Variants in RNF130 observed in about 807,000 individuals in gnomAD.
The protein encoded by RNF130 is ring finger protein 130.
RNF130 carries 21 observed loss-of-function variants against 44.6 expected under a neutral mutation model. That is an observed-to-expected ratio of 0.47 (90% CI 0.33 to 0.68). The LOEUF (loss-of-function observed/expected upper bound fraction) is 0.68. Among genes scored for constraint, RNF130 ranks in the 30% least tolerant of loss-of-function variants. The pLI, the probability that RNF130 is intolerant of heterozygous loss-of-function variation, is 0.02. For synonymous variants in RNF130, 214 were observed against 210.4 expected, an observed-to-expected ratio of 1.02 and a Z score of -0.15; for missense variants, 479 against 560.6, an observed-to-expected ratio of 0.85 and a Z score of 1.47.
Position 180,012,956 on chromosome 5 carries a change from CAACATTTTTTAAAAGAAAA to C in RNF130, c.693+86_693+104del, listed in dbSNP as rs1049491952. On this transcript the variant is annotated intron_variant, in intron 3 of 8. Transcript: ENST00000521389. ...TATTAAAATGACTGAGTGAGGGTAACAACATTTTTTAAAAGAAAAAACATGTTAGTAAGATGCATGGTCA... is the reference window on the plus strand; with the variant it reads ...TATTAAAATGACTGAGTGAGGGTAACAACATGTTAGTAAGATGCATGGTCA... 33 of 1,327,948 alleles carry C rather than the reference CAACATTTTTTAAAAGAAAA, an allele frequency of 2.5e-5. No individual in the cohort carries two copies. In the African/African-American group the frequency reaches 3.4e-4, roughly 14 times the overall value. The allele number at this position is 1,327,948 out of a possible 1,614,324, so 82.3% of individuals were successfully genotyped here.
intron 1 of RNF130, among the ~76,000 whole-genome samples, chr5:180,057,654 C>T (rs1329892683): frequency 6.6e-6 from 1 of 152,080 alleles, no homozygotes; most frequent in African/African-American, 2.4e-5. Context: ...ATTATTACAC[C>T]CCCGCAATAC....
chr5:180,023,710 A>G (rs1314717294), intron 2 of RNF130, among the ~76,000 whole-genome samples: 1 of 152,226 alleles, frequency 6.6e-6, no homozygotes, highest in Non-Finnish European at 1.5e-5. Context: ...ATAATGATAT[A>G]AATAAATGAC....
At position 179,982,067 on chromosome 5, in the gene RNF130, G is replaced by A. The variant is rs755972733; in HGVS notation, c.694-1867C>T. ...TGCCCCTTCCTAATTCCCTCCTCCC[G>A]CCACCCCATCCCTCCATGATCTACT... On this transcript the variant is annotated intron_variant, in intron 3 of 8. Transcript: ENST00000521389. Among the ~76,000 whole-genome samples, 6 of 151,506 alleles carry A rather than the reference G, an allele frequency of 4.0e-5. No homozygotes were observed. In the South Asian group the frequency reaches 6.3e-4, roughly 16 times the overall value.
intron 8 of RNF130, among the ~76,000 whole-genome samples, chr5:179,959,915 C>T (rs1027311864): frequency 8.5e-5 from 13 of 152,226 alleles, no homozygotes; most frequent in African/African-American, 2.6e-4. Flanking sequence ...AATGAGCTAC[C>T]GTTCTCTGCA....
intron 1 of RNF130, among the ~76,000 whole-genome samples, chr5:180,063,496 G>A (rs1765033098): frequency 1.3e-5 from 2 of 152,140 alleles, no homozygotes; most frequent in Admixed American, 6.5e-5. Flanking sequence ...GCTCCATCTG[G>A]AGCTTATCAA....
intron 2 of RNF130, among the ~76,000 whole-genome samples, chr5:180,035,764 A>G (rs186974389): frequency 6.6e-6 from 1 of 151,984 alleles, no homozygotes; most frequent in Non-Finnish European, 1.5e-5. Context: ...TCCCTCTACT[A>G]TTTTGAATCT....
intron 1 of RNF130, among the ~76,000 whole-genome samples, chr5:180,058,788 G>C (rs1386696892): frequency 1.3e-5 from 2 of 151,968 alleles, no homozygotes; most frequent in African/African-American, 4.8e-5. Flanking sequence ...TCTCGAACTC[G>C]TGACCTCAAG....
chr5:179,965,819 G>A (rs1319211192), intron 7 of RNF130, among the ~76,000 whole-genome samples: 2 of 152,206 alleles, frequency 1.3e-5, no homozygotes, highest in African/African-American at 2.4e-5. Flanking sequence ...TAATAATAAT[G>A]TCTGGTTGGT....
chr5:180,012,688 A>G (rs904318722), intron 3 of RNF130, among the ~76,000 whole-genome samples: 1 of 152,208 alleles, frequency 6.6e-6, no homozygotes, highest in Non-Finnish European at 1.5e-5. Context: ...AGAATTTCAC[A>G]TAGGAAGGGG....
intron 1 of RNF130, among the ~76,000 whole-genome samples, chr5:180,070,903 G>A (rs1765240334): frequency 6.6e-6 from 1 of 152,082 alleles, no homozygotes; most frequent in Non-Finnish European, 1.5e-5. Flanking sequence ...GACATTTTCA[G>A]GCGTCAAATT....
downstream of RNF130, among the ~76,000 whole-genome samples, chr5:179,951,965 A>G (rs1321528625): frequency 4.6e-5 from 7 of 152,152 alleles, no homozygotes; most frequent in Non-Finnish European, 1.5e-5. Context: ...AAGACCTCAA[A>G]TCAATAACCT....
At chr5:179,971,667 C>T (rs1310618580) in intron 5 of RNF130, among the ~76,000 whole-genome samples, 1 of 152,184 alleles carries the variant, frequency 6.6e-6, no homozygotes, top group African/African-American at 2.4e-5. Context: ...CCACACCCGG[C>T]CAAGATAAAA....
At chr5:179,948,674 C>CA (rs1228561417) in intron 7 of RNF130, among the ~76,000 whole-genome samples, 1 of 151,232 alleles carries the variant, frequency 6.6e-6, no homozygotes, top group East Asian at 1.9e-4. Context: ...GACTCTGTCT[C>CA]AAAAAAAGAG....
At chr5:180,007,472 C>T (rs576267097) in intron 3 of RNF130, among the ~76,000 whole-genome samples, 13 of 152,152 alleles carry the variant, frequency 8.5e-5, no homozygotes, top group Non-Finnish European at 1.2e-4. Context: ...TTTTCCTTTG[C>T]TAATATTATG....
intron 4 of RNF130, among the ~76,000 whole-genome samples, chr5:179,979,357 T>G (rs1426139725): frequency 6.7e-6 from 1 of 149,774 alleles, no homozygotes; most frequent in Non-Finnish European, 1.5e-5. Flanking sequence ...ATCAAGGCAA[T>G]GGGAATAAAA....
intron 3 of RNF130, among the ~76,000 whole-genome samples, chr5:179,993,237 C>G (rs1326698498): frequency 6.6e-6 from 1 of 152,108 alleles, no homozygotes; most frequent in Non-Finnish European, 1.5e-5. Context: ...TGGTATATAC[C>G]CAGTAATGGG....
chr5:180,007,792 G>C (rs1300283258), intron 3 of RNF130, among the ~76,000 whole-genome samples: 4 of 151,960 alleles, frequency 2.6e-5, no homozygotes, highest in African/African-American at 9.7e-5. Flanking sequence ...CCCCACACTG[G>C]GTGCTAATTA....
chr5:180,058,265 C>A (rs1235489482), intron 1 of RNF130, among the ~76,000 whole-genome samples: 1 of 152,170 alleles, frequency 6.6e-6, no homozygotes, highest in Non-Finnish European at 1.5e-5. Context: ...TGTGGGAAGT[C>A]ATCAGGCTGC....
chr5:180,062,917 C>T (rs1765020389), intron 1 of RNF130, among the ~76,000 whole-genome samples: 1 of 152,160 alleles, frequency 6.6e-6, no homozygotes, highest in Non-Finnish European at 1.5e-5. Flanking sequence ...ATATAGCAAA[C>T]ACTGTGGGAT....
Sources: gnomAD v4.1 joint callset for allele counts (sites outside exome capture counted in the v4.1 genomes callset) on GRCh38, gnomAD v4.1.1 for gene constraint, MANE v1.5 for transcripts, NCBI Gene and HGNC (gene_info 2026-07-23, HGNC 2026-07-21) for gene names.